The following PI4KA variants were observed in gnomAD, a reference collection of about 807,000 sequenced individuals.
PI4KA encodes the protein phosphatidylinositol 4-kinase alpha, also known as PI4-kinase alpha.
PI4KA carries 122 observed loss-of-function variants against 271.4 expected under a neutral mutation model. That is an observed-to-expected ratio of 0.45 (90% confidence interval 0.39 to 0.52). The LOEUF (loss-of-function observed/expected upper bound fraction) is 0.52, where lower values mean the gene tolerates loss of function less well. PI4KA is among the 20% of genes least tolerant of loss of function. The pLI is 0.00. For synonymous variants in PI4KA, 1,041 were observed against 1,078.8 expected, an observed-to-expected ratio of 0.96 and a Z score of 0.69; for missense variants, 1,969 against 2,769.1, an observed-to-expected ratio of 0.71 and a Z score of 6.48.
intron 23 of PI4KA, among the ~76,000 whole-genome samples, chr22:20,755,621 T>A (rs1412794467): frequency 2.6e-5 from 4 of 151,750 alleles, no homozygotes; most frequent in Non-Finnish European, 4.4e-5. Flanking sequence ...GCCAACATGG[T>A]GAAACCCCGT....
In PI4KA at chr22:20,726,475, G is replaced by C. The variant is rs1405032155; in HGVS notation, c.4995+13C>G. 1 of 1,550,302 alleles carries C rather than the reference G, an allele frequency of 6.5e-7. No homozygotes were observed. The highest frequency in any genetic ancestry group is 2.5e-5 in the East Asian group (1 of 39,990). On this transcript the variant is annotated intron_variant, in intron 42 of 54. Transcript: ENST00000255882. ...TGTGAGTGAAGAGGACGGCCATGCAGGTGCAGGCTTACCTTGTCGTACCTG... is the reference window on the plus strand; with the variant it reads ...TGTGAGTGAAGAGGACGGCCATGCACGTGCAGGCTTACCTTGTCGTACCTG...
chr22:20,747,239 G>T (rs879433914), intron 29 of PI4KA, among the ~76,000 whole-genome samples: 3 of 152,160 alleles, frequency 2.0e-5, no homozygotes, highest in Non-Finnish European at 4.4e-5. Context: ...CCAGATAAGT[G>T]CAACTGTGGC....
intron 4 of PI4KA, among the ~76,000 whole-genome samples, chr22:20,822,243 T>C (rs554790954): frequency 6.6e-6 from 1 of 152,234 alleles, no homozygotes; most frequent in East Asian, 1.9e-4. Context: ...GGATAGGTTT[T>C]GCTATGCTGC....
intron 19 of PI4KA, among the ~76,000 whole-genome samples, chr22:20,778,555 C>A (rs73162808): frequency 2.0e-5 from 3 of 152,014 alleles, no homozygotes; most frequent in African/African-American, 7.2e-5. Context: ...AAAAAAACAA[C>A]GAATTAAACA....
chr22:20,771,845 G>A (rs1002722505), intron 19 of PI4KA, among the ~76,000 whole-genome samples: 14 of 152,192 alleles, frequency 9.2e-5, no homozygotes, highest in Non-Finnish European at 1.6e-4. Context: ...GCCTCTCAAA[G>A]TGCTGGGATT....
At chr22:20,799,570 G>C in intron 15 of PI4KA, 101 bp downstream of exon 15, 2 of 842,980 alleles carry the variant, frequency 2.4e-6, no homozygotes, top group Non-Finnish European at 3.9e-6. Flanking sequence ...TCTGAGACAA[G>C]GAGATAAGGA....
In PI4KA at chr22:20,807,402, G is replaced by A. The variant is rs775832627; in HGVS notation, c.1128C>T (p.Thr376=). 4 of 1,613,334 alleles carry A rather than the reference G, an allele frequency of 2.5e-6. No individual in the cohort carries two copies. Among genetic ancestry groups the A allele is most frequent in the Non-Finnish European group, 3.4e-6 (4 of 1,179,428 alleles). The part of the protein sequence containing the change: ...YTSFSDPLYL[T]MFKMLRDTLY... ...GAGTGTCACGCAGCATCTTGAACAT[G>A]GTCAGGTAGAGAGGGTCACTGAAGG... The change falls in exon 10 of 55, where the codon ACC becomes ACT. Residue 376 remains threonine, a synonymous_variant. Transcript: ENST00000255882.
chr22:20,716,104 G>C (rs138073485), intron 45 of PI4KA, among the ~76,000 whole-genome samples: 1 of 151,896 alleles, frequency 6.6e-6, no homozygotes, highest in Non-Finnish European at 1.5e-5. Context: ...AGGCTGGAGC[G>C]CAGTGGCGCA....
At chr22:20,856,309 C>T (rs1040850702) in intron 1 of PI4KA, among the ~76,000 whole-genome samples, 9 of 152,032 alleles carry the variant, frequency 5.9e-5, no homozygotes, top group African/African-American at 2.2e-4. Context: ...GAGACTCCCT[C>T]TCAAAAAAAC....
At chr22:20,737,466 GACC>G (rs1928868134) in intron 32 of PI4KA, among the ~76,000 whole-genome samples, 1 of 152,018 alleles carries the variant, frequency 6.6e-6, no homozygotes, top group Admixed American at 6.5e-5. Context: ...CCTATCTGAG[GACC>G]AGACAGGGAG....
chr22:20,710,937 G>C (rs768607277), intron 51 of PI4KA, 79 bp from the exon 52 acceptor site: 1 of 1,526,916 alleles, frequency 6.5e-7, no homozygotes, highest in Non-Finnish European at 9.1e-7. Context: ...TTGAGGAGTG[G>C]AAAAGGACTG....
chr22:20,814,618 T>C (rs1375119350), intron 7 of PI4KA, among the ~76,000 whole-genome samples: 1 of 150,922 alleles, frequency 6.6e-6, no homozygotes, highest in Non-Finnish European at 1.5e-5. Context: ...TACAGCACCA[T>C]GGGCCTATAG....
chr22:20,829,588 T>A (rs897259495), intron 3 of PI4KA, among the ~76,000 whole-genome samples: 1 of 151,874 alleles, frequency 6.6e-6, no homozygotes, highest in Non-Finnish European at 1.5e-5. Flanking sequence ...TGATCTTTTT[T>A]TTTTTATTCA....
intron 19 of PI4KA, 80 bp downstream of exon 19, chr22:20,793,113 T>C: frequency 1.1e-6 from 1 of 877,416 alleles, no homozygotes; most frequent in South Asian, 1.3e-5. Flanking sequence ...TTCTAAGGAA[T>C]TTACTGTGCG....
Position 20,707,910 on chromosome 22 carries a change from G to C in PI4KA, c.*137C>G. 1 of 814,868 alleles carries C rather than the reference G, an allele frequency of 1.2e-6. No homozygotes were observed. The highest frequency in any genetic ancestry group is 2.2e-6 in the Non-Finnish European group (1 of 454,804). 50.5% of individuals were successfully genotyped at this position (814,868 alleles called of 1,614,324 possible). Reference sequence around the variant, plus strand: ...GCTGCGCCACCCACGTGCTGCCCCAGGAGGCGCTACCAGGTTCTTTGGGCC... The same window carrying C: ...GCTGCGCCACCCACGTGCTGCCCCACGAGGCGCTACCAGGTTCTTTGGGCC... On this transcript the variant is annotated 3_prime_UTR_variant, in exon 55 of 55. Transcript: ENST00000255882.
At chr22:20,778,591 G>T (rs188596872) in intron 19 of PI4KA, among the ~76,000 whole-genome samples, 1 of 152,178 alleles carries the variant, frequency 6.6e-6, no homozygotes, top group Non-Finnish European at 1.5e-5. Context: ...CAAATTTCAA[G>T]TATCTTTAGA....
At position 20,752,959 on chromosome 22, in the gene PI4KA, G is replaced by A. The variant is rs771897840; in HGVS notation, c.2931C>T (p.His977=). 6.2e-7 allele frequency: 1 copy of A among 1,614,104 alleles called. No individual in the cohort carries two copies. The highest frequency in any genetic ancestry group is 8.5e-7 in the Non-Finnish European group (1 of 1,179,916). Residue 977 remains histidine (H), a synonymous_variant, in exon 25 of 55, where the codon CAC becomes CAT. Coordinates refer to ENST00000255882, the MANE Select transcript of PI4KA (RefSeq NM_058004.4). Reference sequence around the variant, plus strand: ...CCACCCTCCTTATCCTCTTGTGGATGTGGTTGAAGTTCACCAACAGGAACT... The same window carrying A: ...CCACCCTCCTTATCCTCTTGTGGATATGGTTGAAGTTCACCAACAGGAACT... ...HAQFLLVNFN[H]IHKRIRRVAD...
chr22:20,739,430 T>C (rs952026946), intron 32 of PI4KA, among the ~76,000 whole-genome samples: 6 of 150,498 alleles, frequency 4.0e-5, no homozygotes, highest in African/African-American at 1.5e-4. Flanking sequence ...GCTCAGGAAT[T>C]TGACGTCAGC....
chr22:20,760,484 C>T (rs1189084226), intron 23 of PI4KA, among the ~76,000 whole-genome samples: 3 of 152,078 alleles, frequency 2.0e-5, no homozygotes, highest in South Asian at 2.1e-4. Flanking sequence ...TTTTGTAAAA[C>T]TAATATTAGC....
Sources: allele counts gnomAD v4.1 joint callset (sites outside exome capture counted in the v4.1 genomes callset), GRCh38; gene constraint gnomAD v4.1.1; transcripts MANE v1.5; gene names NCBI Gene and HGNC (gene_info 2026-07-23, HGNC 2026-07-21).